The following AGT variants were observed in gnomAD, a reference collection of about 807,000 sequenced individuals.
AGT encodes angiotensinogen.
Under a neutral mutation model 28.1 loss-of-function variants are expected in AGT, and 26 were observed. That is an observed-to-expected ratio of 0.92 (90% confidence interval 0.68 to 1.28). The LOEUF (loss-of-function observed/expected upper bound fraction) is 1.28, where lower values mean the gene tolerates loss of function less well. AGT is among the 50% of genes most tolerant of loss of function. The pLI is 0.00. For missense variants in AGT, 596 were observed against 592.3 expected (o/e 1.01, Z -0.06); for synonymous variants, 259 against 259.6 (o/e 1.00, Z 0.02).
In AGT at chr1:230,703,262, A is replaced by G. The variant is rs1283553994; in HGVS notation, c.1310T>C (p.Leu437Pro). 3 of 1,614,100 alleles carry G rather than the reference A, an allele frequency of 1.9e-6. No homozygotes were observed. Among genetic ancestry groups the G allele is most frequent in the Non-Finnish European group, 2.5e-6 (3 of 1,180,050 alleles). Residue 437 changes from leucine to proline, a missense_variant, in exon 5 of 5, where the codon CTT (leucine) becomes CCT (proline). Transcript: ENST00000366667. ...EREPTESTQQ[L>P]NKPEVLEVTL... Reference sequence around the variant, plus strand: ...CACCTCCAAGACCTCAGGCTTGTTAAGCTGTTGGGTAGACTCTGTGGGCTC... The same window carrying G: ...CACCTCCAAGACCTCAGGCTTGTTAGGCTGTTGGGTAGACTCTGTGGGCTC...
chr1:230,733,510 C>G (rs550362189), intron 1 of AGT, among the ~76,000 whole-genome samples: 1 of 152,268 alleles, frequency 6.6e-6, no homozygotes, highest in African/African-American at 2.4e-5. Flanking sequence ...TTTCACTCGA[C>G]AAATCACTAA....
At chr1:230,714,058 G>A (rs1343314789) in intron 1 of AGT, 28 bp downstream of exon 1, 1 of 152,194 alleles carries the variant, frequency 6.6e-6, no homozygotes, top group African/African-American at 2.4e-5. Flanking sequence ...ACAAGACCGA[G>A]AAGGAGCTGA....
intron 1 of AGT, among the ~76,000 whole-genome samples, chr1:230,729,230 A>G (rs1466107995): frequency 3.3e-5 from 5 of 152,182 alleles, no homozygotes; most frequent in Admixed American, 6.5e-5. Context: ...ACTCAGCAAC[A>G]GCCTGTTGGC....
chr1:230,721,759 T>C (rs548010956), intron 1 of AGT, among the ~76,000 whole-genome samples: 4 of 152,224 alleles, frequency 2.6e-5, no homozygotes, highest in Admixed American at 6.5e-5. Context: ...ATTTTACCCC[T>C]GCCTTTAGGA....
chr1:230,731,431 T>A (rs1486300502), intron 1 of AGT, among the ~76,000 whole-genome samples: 1 of 152,224 alleles, frequency 6.6e-6, no homozygotes, highest in African/African-American at 2.4e-5. Flanking sequence ...GGCTGCCCAT[T>A]GCAATGAGAG....
intron 3 of AGT, 64 bp downstream of exon 3, chr1:230,705,869 C>G (rs1663369215): frequency 6.2e-7 from 1 of 1,601,418 alleles, no homozygotes; most frequent in Admixed American, 1.7e-5. Flanking sequence ...ACTCCCCACC[C>G]CGCCCCCAGC....
rs1478226147 is a variant in AGT at position 230,706,116 on chromosome 1, G to C, written c.914C>G (p.Ser305Cys). The C allele has an allele frequency of 3.1e-6, 5 of 1,614,072 alleles. No individual in the cohort carries two copies. The highest frequency in any genetic ancestry group is 4.2e-6 in the Non-Finnish European group (5 of 1,179,976). ...CCAGTGCTGGAAGGTGCCCATGCCA[G>C]AGAGCATGGGAACAGACACTGAGGT... The part of the protein sequence containing the change: ...NSTSVSVPML[S>C]GMGTFQHWSD... The change falls in exon 3 of 5, where the codon TCT becomes TGT. Residue 305 changes from serine (S) to cysteine (C), a missense_variant. Physicochemically the swap from Ser to Cys is moderately radical, Grantham distance 112. Transcript: ENST00000366667.
intron 1 of AGT, among the ~76,000 whole-genome samples, chr1:230,712,406 C>T (rs1376056199): frequency 6.6e-6 from 1 of 152,186 alleles, no homozygotes; most frequent in Non-Finnish European, 1.5e-5. Context: ...CCATCTCACC[C>T]CACTCCCCAT....
At chr1:230,729,297 AC>A (rs1379514983) in intron 1 of AGT, among the ~76,000 whole-genome samples, 4 of 152,214 alleles carry the variant, frequency 2.6e-5, no homozygotes, top group African/African-American at 9.6e-5. Flanking sequence ...TGTTCCCAAC[AC>A]CTAGTAGCCA....
chr1:230,742,796 C>T (rs1664270268), intron 1 of AGT, among the ~76,000 whole-genome samples: 1 of 152,160 alleles, frequency 6.6e-6, no homozygotes, highest in East Asian at 1.9e-4. Context: ...TTAATGTAAA[C>T]AATGCCACCA....
chr1:230,744,842 A>T (rs549432687), intron 1 of AGT, among the ~76,000 whole-genome samples: 3 of 152,306 alleles, frequency 2.0e-5, no homozygotes, highest in African/African-American at 7.2e-5. Flanking sequence ...GTCAGTGCTG[A>T]AATTTACTTC....
chr1:230,718,723 T>C (rs922935383), upstream of AGT, among the ~76,000 whole-genome samples: 1 of 78,378 alleles, frequency 1.3e-5, no homozygotes, highest in South Asian at 4.1e-4. Context: ...TCCACACCGC[T>C]TTTTTTTTTT....
chr1:230,710,459 GC>G lies in AGT; in HGVS notation c.364del (p.Ala122ProfsTer61). The G allele has an allele frequency of 6.2e-7, 1 of 1,614,244 alleles. No homozygotes were observed. The highest frequency in any genetic ancestry group is 1.1e-5 in the South Asian group (1 of 91,088). Reference sequence around the variant, plus strand: ...GACAGCCGTTGGGGAGAGGACGGTGGCCCCATGGACCACGCCCCATAGCTCA... The same window carrying G: ...GACAGCCGTTGGGGAGAGGACGGTGGCCCATGGACCACGCCCCATAGCTCA... ...HSELWGVVHG[A>X]TVLSPTAVFG... is the part of the protein sequence containing the mutation. On this transcript the variant is annotated frameshift_variant, in exon 2 of 5. Coordinates refer to ENST00000366667, the MANE Select transcript of AGT (RefSeq NM_001384479.1). LOFTEE classifies it high-confidence loss of function.
intron 1 of AGT, among the ~76,000 whole-genome samples, chr1:230,720,890 C>A (rs1663830637): frequency 6.6e-6 from 1 of 152,216 alleles, no homozygotes; most frequent in East Asian, 1.9e-4. Flanking sequence ...CAAAAAAATT[C>A]TTCTCCATCA....
intron 1 of AGT, among the ~76,000 whole-genome samples, chr1:230,743,571 C>A (rs1664288944): frequency 6.6e-6 from 1 of 152,226 alleles, no homozygotes; most frequent in Non-Finnish European, 1.5e-5. Flanking sequence ...GCCAGCCCAC[C>A]CCATCCTCCA....
intron 1 of AGT, among the ~76,000 whole-genome samples, chr1:230,711,777 A>G (rs11568026): frequency 0.035 from 5,312 of 151,322 alleles, 307 homozygotes; most frequent in African/African-American, 0.12. Flanking sequence ...GGCTTGCCCA[A>G]TGATAGTTGG....
At chr1:230,743,676 T>G (rs1450275539) in intron 1 of AGT, among the ~76,000 whole-genome samples, 4 of 152,222 alleles carry the variant, frequency 2.6e-5, no homozygotes, top group African/African-American at 9.6e-5. Flanking sequence ...CCAGGCTGTT[T>G]GGCATATCCC....
chr1:230,736,159 C>A (rs1664151067), intron 1 of AGT, among the ~76,000 whole-genome samples: 2 of 147,718 alleles, frequency 1.4e-5, no homozygotes, highest in African/African-American at 5.2e-5. Flanking sequence ...ATGTTTAAGG[C>A]AAAGTTTGTG....
At chr1:230,733,533 C>A (rs1268543336) in intron 1 of AGT, among the ~76,000 whole-genome samples, 1 of 152,218 alleles carries the variant, frequency 6.6e-6, no homozygotes, top group South Asian at 2.1e-4. Flanking sequence ...GATTTGTTTG[C>A]CTTTGTCTAC....
Sources: allele counts gnomAD v4.1 joint callset (sites outside exome capture counted in the v4.1 genomes callset), GRCh38; gene constraint gnomAD v4.1.1; transcripts MANE v1.5; gene names NCBI Gene and HGNC (gene_info 2026-07-23, HGNC 2026-07-21).